SOS1: variants seen among roughly 807,000 people sequenced by gnomAD.
The protein encoded by SOS1 is SOS Ras/Rac guanine nucleotide exchange factor 1, also known as son of sevenless homolog 1.
A neutral mutation model predicts 157.6 loss-of-function variants in SOS1; 25 were observed. That is an observed-to-expected ratio of 0.16 (90% CI 0.12 to 0.22). The LOEUF is 0.22. Ranked by LOEUF, SOS1 falls within the 10% of genes least tolerant of loss-of-function variation. SOS1 has a pLI of 1.00. For missense variants in SOS1, 1,237 were observed against 1,599.1 expected, an observed-to-expected ratio of 0.77 and a Z score of 3.86; for synonymous variants, 528 against 534.0, an observed-to-expected ratio of 0.99 and a Z score of 0.16.
rs768230059 is a variant in SOS1, at chr2:39,022,804, T to C, written c.1624A>G (p.Ile542Val). ...EEKNNWMAALISLQYRSTLER... is the reference protein window; with the variant it reads ...EEKNNWMAALVSLQYRSTLER... ...AGTGTACTCCGGTACTGTAAAGATA[T>C]CAATGCTGCCATCCAATTGTTTTTC... Residue 542 changes from isoleucine (I) to valine (V), a missense_variant, in exon 10 of 23, where the codon ATA (isoleucine) becomes GTA (valine). Transcript: ENST00000402219. 6 of 1,613,644 alleles carry C rather than the reference T, an allele frequency of 3.7e-6. No homozygotes were observed. The African/African-American group carries it at 4.0e-5, about 11-fold the overall frequency.
At chr2:39,014,579 T>A (rs1159027223) in intron 11 of SOS1, among the ~76,000 whole-genome samples, 186 bp downstream of exon 11, 1 of 152,068 alleles carries the variant, frequency 6.6e-6, no homozygotes, top group Non-Finnish European at 1.5e-5. Flanking sequence ...AAAAGAATAT[T>A]TTTGTATTGA....
chr2:39,114,111 T>C (rs1673549721), intron 1 of SOS1, among the ~76,000 whole-genome samples: 1 of 152,010 alleles, frequency 6.6e-6, no homozygotes, highest in East Asian at 1.9e-4. Context: ...TCTTTCTTTT[T>C]CTGAGACAGG....
chr2:39,084,233 AT>A (rs1361436563), intron 1 of SOS1, among the ~76,000 whole-genome samples: 1 of 152,210 alleles, frequency 6.6e-6, no homozygotes, highest in African/African-American at 2.4e-5. Context: ...ACAACTATAT[AT>A]GTAGCCATTA....
chr2:39,034,548 A>G (rs1670277154), intron 8 of SOS1, among the ~76,000 whole-genome samples: 1 of 152,250 alleles, frequency 6.6e-6, no homozygotes, highest in Admixed American at 6.5e-5. Context: ...TTTGAGCTAC[A>G]CTATTGAATT....
chr2:39,078,593 T>G (rs1284094363), intron 1 of SOS1, among the ~76,000 whole-genome samples: 4 of 152,146 alleles, frequency 2.6e-5, no homozygotes, highest in Non-Finnish European at 4.4e-5. Context: ...GAGCATTAGA[T>G]TCTCATTGTC....
intron 1 of SOS1, among the ~76,000 whole-genome samples, chr2:39,113,839 C>T (rs1484708524): frequency 2.6e-5 from 4 of 152,226 alleles, no homozygotes; most frequent in Non-Finnish European, 5.9e-5. Context: ...CTTACCCAAT[C>T]TTGAATCTCT....
At chr2:39,081,648 A>T (rs1672204336) in intron 1 of SOS1, among the ~76,000 whole-genome samples, 1 of 151,886 alleles carries the variant, frequency 6.6e-6, no homozygotes, top group African/African-American at 2.4e-5. Context: ...AACATGGCGA[A>T]ACGCCGTCTC....
At chr2:39,063,127 AT>A (rs535635621) in intron 2 of SOS1, among the ~76,000 whole-genome samples, 265 of 148,560 alleles carry the variant, frequency 1.8e-3, no homozygotes, top group East Asian at 0.011. Context: ...ATAGAATTCA[AT>A]TTTTTTTTTT....
At chr2:39,101,358 G>A (rs1672960823) in intron 1 of SOS1, among the ~76,000 whole-genome samples, 1 of 152,112 alleles carries the variant, frequency 6.6e-6, no homozygotes. Context: ...TGAGATTGGA[G>A]GTGGACAAAT....
At chr2:39,040,418 C>G (rs2124573666) in intron 6 of SOS1, among the ~76,000 whole-genome samples, 1 of 152,228 alleles carries the variant, frequency 6.6e-6, no homozygotes, top group African/African-American at 2.4e-5. Flanking sequence ...GTGCAACGGT[C>G]CATTTCCAGA....
intron 1 of SOS1, among the ~76,000 whole-genome samples, chr2:39,106,120 T>TGATGTGG (rs1373166700): frequency 6.6e-6 from 1 of 151,532 alleles, no homozygotes; most frequent in Non-Finnish European, 1.5e-5. Flanking sequence ...CTTCGGAGGC[T>TGATGTGG]GATGTGGGAG....
rs1440236738 is a variant in SOS1 at position 38,985,026 on chromosome 2, C to T, written c.*798G>A. 1.3e-5 allele frequency: 2 copies of T among 152,144 alleles called. No homozygotes were observed. Among genetic ancestry groups the T allele is most frequent in the Non-Finnish European group, 2.9e-5 (2 of 68,040 alleles). The allele number at this position is 152,144 out of a possible 1,614,324, so 9.4% of individuals were successfully genotyped here. A position where few individuals can be genotyped will look rare whatever the true frequency, so the allele number is the denominator to read the frequency against. ...TGACAATCTAGCATAGATGAACAGT[C>T]TCCTAAATGCAAATAGAATAGTTGA... On this transcript the variant is annotated 3_prime_UTR_variant, in exon 23 of 23. Coordinates refer to ENST00000402219, the MANE Select transcript of SOS1 (RefSeq NM_005633.4).
chr2:39,107,857 T>C (rs1039992814), intron 1 of SOS1, among the ~76,000 whole-genome samples: 3 of 152,116 alleles, frequency 2.0e-5, no homozygotes, highest in Admixed American at 2.0e-4. Context: ...GAGGTGGTGT[T>C]TGAAATGTAC....
chr2:39,095,317 T>A (rs1016162754), intron 1 of SOS1, among the ~76,000 whole-genome samples: 2 of 152,110 alleles, frequency 1.3e-5, no homozygotes, highest in African/African-American at 2.4e-5. Flanking sequence ...AGACTCCAGT[T>A]TGAGAAACTA....
At chr2:38,999,444 C>T (rs1229231384) in intron 17 of SOS1, among the ~76,000 whole-genome samples, 1 of 152,152 alleles carries the variant, frequency 6.6e-6, no homozygotes, top group Non-Finnish European at 1.5e-5. Flanking sequence ...TTGAACAGAT[C>T]AGCAATAATG....
At chr2:39,001,141 C>T (rs1302728250) in intron 17 of SOS1, among the ~76,000 whole-genome samples, 2 of 152,234 alleles carry the variant, frequency 1.3e-5, no homozygotes, top group African/African-American at 4.8e-5. Context: ...TTACTACAAC[C>T]TCTGCCTCCT....
At chr2:39,032,332 T>G (rs1378486235) in intron 8 of SOS1, among the ~76,000 whole-genome samples, 2 of 152,208 alleles carry the variant, frequency 1.3e-5, no homozygotes, top group African/African-American at 4.8e-5. Context: ...TTTCTTTGTG[T>G]TCAACAGTCT....
At chr2:39,047,180 A>G (rs1164663905) in intron 6 of SOS1, among the ~76,000 whole-genome samples, 2 of 152,158 alleles carry the variant, frequency 1.3e-5, no homozygotes, top group Non-Finnish European at 2.9e-5. Flanking sequence ...CCATATATCA[A>G]TATATATGTA....
intron 17 of SOS1, among the ~76,000 whole-genome samples, chr2:38,998,839 G>C (rs1668990466): frequency 6.6e-6 from 1 of 152,162 alleles, no homozygotes; most frequent in African/African-American, 2.4e-5. Context: ...CTCCCCACAT[G>C]TGTACGGATT....
Sources: gnomAD v4.1 joint callset for allele counts (sites outside exome capture counted in the v4.1 genomes callset) on GRCh38, gnomAD v4.1.1 for gene constraint, MANE v1.5 for transcripts, NCBI Gene and HGNC (gene_info 2026-07-23, HGNC 2026-07-21) for gene names.